Variants in FKBP10 observed in about 807,000 individuals in gnomAD.
FKBP10 encodes peptidyl-prolyl cis-trans isomerase FKBP10.
FKBP10 carries 34 observed loss-of-function variants against 53.7 expected under a neutral mutation model. The observed-to-expected ratio is 0.63, with a 90% CI of 0.48 to 0.84. FKBP10 has a LOEUF of 0.84. Ranked by LOEUF, FKBP10 falls within the 40% of genes least tolerant of loss-of-function variation. FKBP10 has a pLI of 0.00. For missense variants in FKBP10, 748 were observed against 797.8 expected, an observed-to-expected ratio of 0.94 and a Z score of 0.75; for synonymous variants, 324 against 335.7, an observed-to-expected ratio of 0.97 and a Z score of 0.38.
intron 2 of FKBP10, 132 bp downstream of exon 2, chr17:41,817,335 A>T (rs993269572): frequency 1.9e-4 from 239 of 1,243,364 alleles, no homozygotes; most frequent in Middle Eastern, 2.7e-4. Context: ...CGCAGTATGA[A>T]GAGTGGCAGC....
rs2047843889 is a variant in FKBP10 at position 41,818,422 on chromosome 17, G to A, written c.622G>A (p.Gly208Ser). The A allele has an allele frequency of 1.2e-6, 2 of 1,614,208 alleles. No homozygotes were observed. The highest frequency in any genetic ancestry group is 1.7e-6 in the Non-Finnish European group (2 of 1,180,038). ...CACTTATGACACCTACGTCGGCTCT[G>A]GTTGGCTGATCAAGGGCATGGACCA... ...GGTYDTYVGS[G>S]WLIKGMDQGL... The change falls in exon 4 of 10, where the codon GGT (glycine) becomes AGT (serine). Residue 208 changes from glycine (G) to serine (S), a missense_variant. Gly to Ser is a moderately conservative substitution (Grantham distance 56). Transcript: ENST00000321562.
chr17:41,822,239 A>G lies in FKBP10; in HGVS notation c.1580A>G (p.Lys527Arg). The G allele has an allele frequency of 1.9e-6, 3 of 1,613,258 alleles. No individual in the cohort carries two copies. Among genetic ancestry groups the G allele is most frequent in the Non-Finnish European group, 2.5e-6 (3 of 1,179,680 alleles). The change falls in exon 10 of 10, where the codon AAG becomes AGG. Residue 527 changes from lysine (K) to arginine (R), a missense_variant. Lys to Arg is a conservative substitution (Grantham distance 26, BLOSUM62 2). Transcript: ENST00000321562. ...VPPEEFSTFI[K>R]AQVSEGKGRL... ...CTGCCCCAGTTCTCCACCTTCATCA[A>G]GGCTCAAGTGAGTGAGGGCAAAGGA...
chr17:41,822,345 C>A lies in FKBP10; in HGVS notation c.1686C>A (p.Ile562=). Residue 562 remains isoleucine (I), a synonymous_variant, in exon 10 of 10, where the codon ATC becomes ATA. Coordinates refer to ENST00000321562, the MANE Select transcript of FKBP10 (RefSeq NM_021939.4). ...AGGACCGCAACCAGGACGGCAAGAT[C>A]ACAGTCGACGAGCTCAAGCTGAAGT... ...QNQDRNQDGK[I]TVDELKLKSD... The A allele has an allele frequency of 6.2e-7, 1 of 1,613,442 alleles. No individual in the cohort carries two copies. Among genetic ancestry groups the A allele is most frequent in the East Asian group, 2.2e-5 (1 of 44,866 alleles).
intron 1 of FKBP10, among the ~76,000 whole-genome samples, chr17:41,815,310 C>T (rs982047791): frequency 3.9e-5 from 6 of 152,112 alleles, no homozygotes; most frequent in South Asian, 2.1e-4. Context: ...GCGTAAGCCA[C>T]GGCGCCCAGC....
intron 4 of FKBP10, chr17:41,818,994 A>AT (rs2047852923): frequency 1.7e-6 from 1 of 571,506 alleles, no homozygotes; most frequent in Non-Finnish European, 3.1e-6. Context: ...CTTTATTCTG[A>AT]TTCACACGAA....
At position 41,818,203 on chromosome 17, in the gene FKBP10, G is replaced by A. The variant is rs782237729; in HGVS notation, c.506G>A (p.Arg169His). 9.3e-6 allele frequency: 15 copies of A among 1,613,316 alleles called. No homozygotes were observed. Among genetic ancestry groups the A allele is most frequent in the Admixed American group, 5.0e-5 (3 of 59,996 alleles). ...TTGCTGCGCCCGCCCCACTGCCCCC[G>A]CATGGTCCAGGACGGCGACTTTGTC... ...STLLRPPHCPRMVQDGDFVRY... is the reference protein window; with the variant it reads ...STLLRPPHCPHMVQDGDFVRY... Residue 169 changes from arginine (R) to histidine (H), a missense_variant, in exon 3 of 10, where the codon CGC becomes CAC. By Grantham distance (29) the Arg-to-His change is conservative. Coordinates refer to ENST00000321562, the MANE Select transcript of FKBP10 (RefSeq NM_021939.4).
chr17:41,820,822 G>C, intron 7 of FKBP10, 125 bp from the exon 8 acceptor site: 1 of 1,367,424 alleles, frequency 7.3e-7, no homozygotes, highest in Non-Finnish European at 9.9e-7. Flanking sequence ...CTGCTGCGTG[G>C]CCCAAGTCAC....
intron 4 of FKBP10, 34 bp downstream of exon 4, chr17:41,818,561 G>C (rs370217199): frequency 6.2e-7 from 1 of 1,613,462 alleles, no homozygotes; most frequent in Non-Finnish European, 8.5e-7. Flanking sequence ...GGGAAATTCC[G>C]CAGAAGAGGG....
At chr17:41,820,018 C>A in intron 6 of FKBP10, 1 of 1,490,530 alleles carries the variant, frequency 6.7e-7, no homozygotes, top group Middle Eastern at 1.7e-4. Flanking sequence ...CATGCTGATC[C>A]GCAGGGTAAG....
At chr17:41,815,288 C>G (rs769183336) in intron 1 of FKBP10, among the ~76,000 whole-genome samples, 40 of 152,170 alleles carry the variant, frequency 2.6e-4, no homozygotes, top group African/African-American at 9.7e-4. Context: ...TCCCAAAGTG[C>G]TGGGATTACA....
intron 8 of FKBP10, among the ~76,000 whole-genome samples, 161 bp from the exon 9 acceptor site, chr17:41,821,493 G>A (rs2047890560): frequency 6.6e-6 from 1 of 152,100 alleles, no homozygotes; most frequent in Non-Finnish European, 1.5e-5. Context: ...CTGGTGGGAG[G>A]AGTCAGGAAT....
Position 41,813,066 on chromosome 17 carries a change from T to G in FKBP10, c.32T>G (p.Leu11Arg). The change falls in exon 1 of 10, where the codon CTC (leucine) becomes CGC (arginine). Residue 11 changes from leucine (L) to arginine (R), a missense_variant. Transcript: ENST00000321562. ...CCCGCGGGCCCCCCCAGCCACAGCC[T>G]CCTCCGGCTCCCCCTGCTGCAGTTG... The part of the protein sequence containing the change: MFPAGPPSHS[L>R]LRLPLLQLLL... 19 of 1,610,324 alleles carry G rather than the reference T, an allele frequency of 1.2e-5. No homozygotes were observed. The highest frequency in any genetic ancestry group is 1.5e-5 in the Non-Finnish European group (18 of 1,179,670).
chr17:41,816,738 C>A (rs2047820606), intron 1 of FKBP10, among the ~76,000 whole-genome samples: 1 of 152,196 alleles, frequency 6.6e-6, no homozygotes, highest in African/African-American at 2.4e-5. Flanking sequence ...GCTGTACGTA[C>A]CACTCCCCAC....
chr17:41,815,812 CACTTT>C (rs2047809060), intron 1 of FKBP10, among the ~76,000 whole-genome samples: 1 of 150,556 alleles, frequency 6.6e-6, no homozygotes, highest in African/African-American at 2.4e-5. Context: ...CTCCCATCCT[CACTTT>C]ACTTCTGAAA....
intron 7 of FKBP10, 37 bp downstream of exon 7, chr17:41,820,498 T>G (rs1597909022): frequency 1.9e-6 from 3 of 1,605,868 alleles, no homozygotes; most frequent in Non-Finnish European, 1.7e-6. Context: ...GGCAGGTGGG[T>G]GGGCACAGGC....
In FKBP10 at chr17:41,819,525, T is replaced by C; in HGVS notation, c.918-5T>C. ...CCTTCCTGGCCCTCCCGCCTTGTAT[T>C]GCAGCTACTCCCGCAACCACACCTA... On this transcript the variant is annotated splice_polypyrimidine_tract_variant and splice_region_variant and intron_variant, in intron 5 of 9. Coordinates refer to ENST00000321562, the MANE Select transcript of FKBP10 (RefSeq NM_021939.4). 1.2e-6 allele frequency: 2 copies of C among 1,614,022 alleles called. No homozygotes were observed. Among genetic ancestry groups the C allele is most frequent in the Non-Finnish European group, 1.7e-6 (2 of 1,179,994 alleles).
In FKBP10 at chr17:41,817,184, C is replaced by A. The variant is rs138713182; in HGVS notation, c.372C>A (p.Gly124=). 3 of 1,613,520 alleles carry A rather than the reference C, an allele frequency of 1.9e-6. No individual in the cohort carries two copies. Among genetic ancestry groups the A allele is most frequent in the Non-Finnish European group, 1.7e-6 (2 of 1,180,040 alleles). The part of the protein sequence containing the change: ...RRRLIVPPHL[G]YGSIGLAGLI... Reference sequence around the variant, plus strand: ...GCCTCATTGTGCCTCCCCACCTGGGCTATGGGAGCATCGGCCTGGGTGAGA... The same window carrying A: ...GCCTCATTGTGCCTCCCCACCTGGGATATGGGAGCATCGGCCTGGGTGAGA... Residue 124 remains glycine (G), a synonymous_variant, in exon 2 of 10, where the codon GGC becomes GGA. Coordinates refer to ENST00000321562, the MANE Select transcript of FKBP10 (RefSeq NM_021939.4).
chr17:41,820,688 T>C, intron 7 of FKBP10: 3 of 664,588 alleles, frequency 4.5e-6, no homozygotes, highest in South Asian at 3.9e-5. Flanking sequence ...GGGGGAGAAC[T>C]GCTCTTTCTA....
chr17:41,817,083 A>G lies in FKBP10; in HGVS notation c.271A>G (p.Ile91Val). ...CTATGATCGCAACACCTTGGTGGCC[A>G]TCGTGGTGGGTGTGGGGCGCCTCAT... ...SSYDRNTLVAIVVGVGRLITG... is the reference protein window; with the variant it reads ...SSYDRNTLVAVVVGVGRLITG... Residue 91 changes from isoleucine to valine, a missense_variant, in exon 2 of 10, where the codon ATC becomes GTC. Ile to Val is a conservative substitution (Grantham distance 29). Transcript: ENST00000321562. 9 of 1,613,996 alleles carry G rather than the reference A, an allele frequency of 5.6e-6. No homozygotes were observed. The highest frequency in any genetic ancestry group is 1.6e-4 in the Middle Eastern group (1 of 6,062).
Sources: gnomAD v4.1 joint callset for allele counts (sites outside exome capture counted in the v4.1 genomes callset) on GRCh38, gnomAD v4.1.1 for gene constraint, MANE v1.5 for transcripts, NCBI Gene and HGNC (gene_info 2026-07-23, HGNC 2026-07-21) for gene names.